Variants in TRRAP observed in about 807,000 individuals in gnomAD.
The protein encoded by TRRAP is transformation/transcription domain-associated protein.
Under a neutral mutation model 438.8 loss-of-function variants are expected in TRRAP, and 41 were observed. That is an observed-to-expected ratio of 0.09 (90% confidence interval 0.07 to 0.12). TRRAP has a LOEUF of 0.12. Among genes scored for constraint, TRRAP ranks in the 10% least tolerant of loss-of-function variants. The pLI is 1.00. For synonymous variants in TRRAP, 1,994 were observed against 1,962.9 expected, an observed-to-expected ratio of 1.02 and a Z score of -0.42; for missense variants, 3,122 against 5,055.1, an observed-to-expected ratio of 0.62 and a Z score of 11.60.
chr7:98,919,870 A>T (rs1789702001), intron 20 of TRRAP, among the ~76,000 whole-genome samples: 1 of 152,152 alleles, frequency 6.6e-6, no homozygotes, highest in Non-Finnish European at 1.5e-5. Flanking sequence ...GATGAATGGC[A>T]CAGGGTCAGC....
chr7:98,999,209 A>T, intron 67 of TRRAP: 3 of 1,368,978 alleles, frequency 2.2e-6, no homozygotes, highest in African/African-American at 1.4e-5. Context: ...GCTTTGCAGT[A>T]CACAGGCTTC....
intron 45 of TRRAP, among the ~76,000 whole-genome samples, chr7:98,959,956 A>AAAAAAG (rs1554420735): frequency 5.0e-5 from 6 of 120,460 alleles, no homozygotes; most frequent in African/African-American, 2.0e-4. Flanking sequence ...AAAAAAAAAG[A>AAAAAAG]AAAAGAAAAG....
chr7:98,929,964 C>A, intron 23 of TRRAP, 25 bp from the exon 24 acceptor site: 4 of 1,610,606 alleles, frequency 2.5e-6, no homozygotes, highest in Non-Finnish European at 3.4e-6. Context: ...ACTGTTCTCA[C>A]GTGCCTTCCC....
intron 40 of TRRAP, among the ~76,000 whole-genome samples, chr7:98,954,736 G>T (rs1037427149): frequency 2.0e-5 from 3 of 152,156 alleles, no homozygotes; most frequent in African/African-American, 7.2e-5. Context: ...CGCCTCTCTT[G>T]TTGGCCCTGT....
At chr7:98,920,615 A>G (rs1330179749) in intron 20 of TRRAP, among the ~76,000 whole-genome samples, 1 of 152,238 alleles carries the variant, frequency 6.6e-6, no homozygotes, top group Non-Finnish European at 1.5e-5. Flanking sequence ...TGCGGAGTCC[A>G]CATTAACTTA....
chr7:98,936,741 T>C (rs1790572986), intron 28 of TRRAP, among the ~76,000 whole-genome samples: 1 of 152,070 alleles, frequency 6.6e-6, no homozygotes, highest in Non-Finnish European at 1.5e-5. Flanking sequence ...TCTCTCTTCT[T>C]CCCCCTCAAG....
rs1310581735 is a variant in TRRAP, at chr7:98,953,302, C to T, written c.5599C>T (p.Arg1867Cys). ...NNKNRNSKLR[R>C]LMTFAWPCLL... ...CAAGAACCGCAACAGCAAGCTGCGC[C>T]GCCTCATGACCTTCGCCTGGCCCTG... Residue 1867 changes from arginine to cysteine, a missense_variant, in exon 40 of 73, where the codon CGC becomes TGC. Physicochemically the swap from Arg to Cys is radical, Grantham distance 180. This residue lies in a region of TRRAP where 3 missense variants were observed against 23.0 expected (regional missense o/e 0.13). Coordinates refer to ENST00000456197, the MANE Select transcript of TRRAP (RefSeq NM_001375524.1). 1.2e-6 allele frequency: 2 copies of T among 1,614,000 alleles called. No individual in the cohort carries two copies. The highest frequency in any genetic ancestry group is 1.1e-5 in the South Asian group (1 of 91,080).
chr7:98,967,810 C>A, intron 51 of TRRAP, 112 bp downstream of exon 51: 1 of 921,974 alleles, frequency 1.1e-6, no homozygotes, highest in Non-Finnish European at 1.6e-6. Flanking sequence ...AAATCTCCAG[C>A]ACAAACCTGC....
intron 53 of TRRAP, among the ~76,000 whole-genome samples, chr7:98,975,161 T>C (rs1327003827): frequency 6.6e-6 from 1 of 152,242 alleles, no homozygotes; most frequent in Non-Finnish European, 1.5e-5. Context: ...CAGGGCAGCC[T>C]GATGACAGAT....
At chr7:98,949,307 GAGATTT>G in intron 35 of TRRAP, 104 bp from the exon 36 acceptor site, 1 of 1,268,072 alleles carries the variant, frequency 7.9e-7, no homozygotes, top group Non-Finnish European at 1.0e-6. Flanking sequence ...CCTTCTTTGA[GAGATTT>G]AGAAAGATTT....
chr7:98,903,560 G>T, intron 12 of TRRAP, 43 bp downstream of exon 12: 1 of 1,609,416 alleles, frequency 6.2e-7, no homozygotes. Flanking sequence ...TGCTAGTCCT[G>T]TGGCCATCTT....
chr7:98,897,128 G>C (rs1430823782), intron 7 of TRRAP, among the ~76,000 whole-genome samples: 1 of 152,152 alleles, frequency 6.6e-6, no homozygotes, highest in Non-Finnish European at 1.5e-5. Flanking sequence ...TCAGCTACTT[G>C]GGAGGCTGAG....
chr7:98,993,418 T>G, intron 65 of TRRAP, 120 bp from the exon 66 acceptor site: 1 of 1,088,264 alleles, frequency 9.2e-7, no homozygotes, highest in Non-Finnish European at 1.3e-6. Flanking sequence ...GAAGCGGTCT[T>G]GTAGGGATTC....
In TRRAP at chr7:98,933,469, C is replaced by T. The variant is rs116469468; in HGVS notation, c.4014+67C>T. The T allele has an allele frequency of 4.6e-4, 706 of 1,536,724 alleles. 5 individuals carry two copies. In the African/African-American group the frequency reaches 7.2e-3, roughly 16 times the overall value. ...GTGTGTCTGCTAGCCTGTCTTTGTA[C>T]GCGAAGACTGGTCAGGCAGCATTCA... On this transcript the variant is annotated intron_variant, in intron 27 of 72. Coordinates refer to ENST00000456197, the MANE Select transcript of TRRAP (RefSeq NM_001375524.1).
In TRRAP at chr7:98,994,474, G is replaced by C; in HGVS notation, c.10048-113G>C. On this transcript the variant is annotated intron_variant, in intron 66 of 72. Transcript: ENST00000456197. The surrounding 1 kb of genome is among the most constrained non-coding windows in gnomAD (Gnocchi z 4.8). ...GCCTGCTGTGTGTGGGTCCTGCCGG[G>C]GAGTGCAGAGATGACCCTGGGCTGG... The C allele has an allele frequency of 6.9e-7, 1 of 1,450,548 alleles. No homozygotes were observed. The highest frequency in any genetic ancestry group is 9.4e-7 in the Non-Finnish European group (1 of 1,060,276). The allele number at this position is 1,450,548 out of a possible 1,614,324, so 89.9% of individuals were successfully genotyped here.
At chr7:98,891,506 C>G (rs1434246185) in intron 4 of TRRAP, among the ~76,000 whole-genome samples, 1 of 132,422 alleles carries the variant, frequency 7.6e-6, no homozygotes, top group Non-Finnish European at 1.6e-5. Flanking sequence ...CGGCCTACCA[C>G]TTTTTCTATA....
intron 43 of TRRAP, among the ~76,000 whole-genome samples, chr7:98,957,412 G>A (rs1446200924): frequency 6.6e-6 from 1 of 152,206 alleles, no homozygotes; most frequent in Non-Finnish European, 1.5e-5. Context: ...CAGTGTTTTT[G>A]TAGAAATCTC....
chr7:98,967,218 G>T, intron 50 of TRRAP, 56 bp downstream of exon 50: 1 of 1,563,482 alleles, frequency 6.4e-7, no homozygotes. Context: ...GTGCTCCCCG[G>T]CCAGCCAGCC....
At chr7:98,991,828 G>A (rs1793444631) in intron 64 of TRRAP, among the ~76,000 whole-genome samples, 1 of 152,204 alleles carries the variant, frequency 6.6e-6, no homozygotes, top group South Asian at 2.1e-4. Context: ...GGGGACACAT[G>A]TATTTTGCCT....
Sources: allele counts gnomAD v4.1 joint callset (sites outside exome capture counted in the v4.1 genomes callset), GRCh38; gene constraint gnomAD v4.1.1; regional missense constraint gnomAD v4.1.1; non-coding constraint Gnocchi (gnomAD v3.1); transcripts MANE v1.5; gene names NCBI Gene and HGNC (gene_info 2026-07-23, HGNC 2026-07-21).